Variants in RASEF observed in about 807,000 individuals in gnomAD.
RASEF encodes ras and EF-hand domain-containing protein.
Under a neutral mutation model 90.1 loss-of-function variants are expected in RASEF, and 68 were observed. The observed-to-expected ratio is 0.75, with a 90% CI of 0.62 to 0.92. The LOEUF (loss-of-function observed/expected upper bound fraction) is 0.92. Ranked by LOEUF, RASEF falls within the 40% of genes least tolerant of loss-of-function variation. The pLI is 0.00. For missense variants in RASEF, 949 were observed against 937.2 expected (o/e 1.01, Z -0.16); for synonymous variants, 331 against 345.2 (o/e 0.96, Z 0.46).
At chr9:83,046,355 A>G (rs749761346) in intron 1 of RASEF, among the ~76,000 whole-genome samples, 2 of 152,176 alleles carry the variant, frequency 1.3e-5, no homozygotes, top group Non-Finnish European at 1.5e-5. Context: ...ATAGAAGTAT[A>G]GATATCGAGT....
At chr9:83,056,086 C>T (rs1309172445) in intron 1 of RASEF, among the ~76,000 whole-genome samples, 1 of 152,200 alleles carries the variant, frequency 6.6e-6, no homozygotes, top group African/African-American at 2.4e-5. Flanking sequence ...ATTTGCACTA[C>T]TGGAGCTGTA....
chr9:83,095,420 A>T, the RASEF span, among the ~76,000 whole-genome samples: 1 of 150,368 alleles, frequency 6.7e-6, no homozygotes, highest in African/African-American at 2.5e-5. Context: ...CAGTCTCTTC[A>T]CTTGGGTGAA....
the RASEF span, among the ~76,000 whole-genome samples, chr9:83,147,189 C>T: frequency 9.2e-5 from 14 of 151,956 alleles, no homozygotes; most frequent in Non-Finnish European, 1.3e-4. Context: ...ATCATTTTTA[C>T]AGTAGCAGGA....
chr9:83,032,294 T>A (rs1409846985), intron 1 of RASEF, among the ~76,000 whole-genome samples: 1 of 152,160 alleles, frequency 6.6e-6, no homozygotes, highest in Non-Finnish European at 1.5e-5. Flanking sequence ...AAGTGAGTGC[T>A]GAGAAGGGTG....
At chr9:83,164,048 T>C in the RASEF span, among the ~76,000 whole-genome samples, 11 of 149,716 alleles carry the variant, frequency 7.3e-5, no homozygotes, top group East Asian at 2.1e-3. Flanking sequence ...AAAACTATCC[T>C]TCAAAAATGA....
chr9:83,068,102 T>C (rs1412752302), upstream of RASEF, among the ~76,000 whole-genome samples: 2 of 152,202 alleles, frequency 1.3e-5, no homozygotes, highest in Non-Finnish European at 2.9e-5. Context: ...TCAAACACTT[T>C]GGCTGGAGAT....
chr9:83,088,703 T>C, the RASEF span, among the ~76,000 whole-genome samples: 1 of 152,080 alleles, frequency 6.6e-6, no homozygotes, highest in Non-Finnish European at 1.5e-5. Flanking sequence ...TTAAAGTCTA[T>C]TTTGTGTATA....
chr9:83,133,112 A>T, the RASEF span, among the ~76,000 whole-genome samples: 1 of 152,196 alleles, frequency 6.6e-6, no homozygotes, highest in Admixed American at 6.5e-5. Flanking sequence ...CAAACTGAAA[A>T]GCTCTAAGAA....
chr9:83,097,594 C>A, the RASEF span, among the ~76,000 whole-genome samples: 1 of 152,164 alleles, frequency 6.6e-6, no homozygotes, highest in African/African-American at 2.4e-5. Context: ...GGGCGAAGGA[C>A]ATGAACAGAC....
At chr9:83,158,689 T>TATGTATATATTTATGTACATATAC in the RASEF span, among the ~76,000 whole-genome samples, 19 of 34,182 alleles carry the variant, frequency 5.6e-4, no homozygotes, top group African/African-American at 2.6e-3. Context: ...TACATATACA[T>TATGTATATATTTATGTACATATAC]ATATGTATAT....
At chr9:83,067,062 G>A (rs191065992), upstream of RASEF, among the ~76,000 whole-genome samples, 299 of 152,260 alleles carry the variant, frequency 2.0e-3, 1 homozygote, top group Non-Finnish European at 3.5e-3. Context: ...CTTTTCATTG[G>A]TAAGTAGGGA....
the RASEF span, among the ~76,000 whole-genome samples, chr9:83,185,972 G>A: frequency 2.0e-3 from 5 of 2,468 alleles, no homozygotes; most frequent in African/African-American, 0.018. Context: ...ATGGGTGGCG[G>A]GGGGGGCAAG....
At chr9:83,021,836 G>T (rs1321781555) in intron 3 of RASEF, among the ~76,000 whole-genome samples, 2 of 152,188 alleles carry the variant, frequency 1.3e-5, no homozygotes, top group African/African-American at 4.8e-5. Context: ...GGGAGTCCTG[G>T]AACCAATCCC....
At chr9:83,020,702 G>A (rs1158476974) in intron 3 of RASEF, among the ~76,000 whole-genome samples, 1 of 152,138 alleles carries the variant, frequency 6.6e-6, no homozygotes, top group Admixed American at 6.5e-5. Flanking sequence ...AACAAAACAT[G>A]AAATTCTAAA....
chr9:83,155,692 C>G, the RASEF span, among the ~76,000 whole-genome samples: 4 of 152,298 alleles, frequency 2.6e-5, no homozygotes, highest in Non-Finnish European at 5.9e-5. Flanking sequence ...GTGAAAAATA[C>G]ACAAAGCTTC....
intron 1 of RASEF, among the ~76,000 whole-genome samples, chr9:83,059,271 C>T (rs1175305960): frequency 7.4e-6 from 1 of 135,778 alleles, no homozygotes; most frequent in Non-Finnish European, 1.6e-5. Flanking sequence ...ATGCTCAATA[C>T]ACACACACAC....
chr9:83,218,856 C>T, the RASEF span, among the ~76,000 whole-genome samples: 19 of 152,230 alleles, frequency 1.2e-4, no homozygotes, highest in African/African-American at 4.6e-4. Context: ...ACTATCCCAG[C>T]GTGGACATTT....
chr9:83,122,376 G>A, the RASEF span, among the ~76,000 whole-genome samples: 1 of 152,212 alleles, frequency 6.6e-6, no homozygotes, highest in Admixed American at 6.5e-5. Flanking sequence ...TAACATAATG[G>A]GTGAGGCAGT....
intron 1 of RASEF, among the ~76,000 whole-genome samples, chr9:83,047,887 C>G (rs551069426): frequency 1.3e-5 from 2 of 152,198 alleles, no homozygotes; most frequent in Non-Finnish European, 2.9e-5. Context: ...TTTGAATTAA[C>G]CAGGGCACAT....
Sources: allele counts gnomAD v4.1 joint callset (sites outside exome capture counted in the v4.1 genomes callset), GRCh38; gene constraint gnomAD v4.1.1; transcripts MANE v1.5; gene names NCBI Gene and HGNC (gene_info 2026-07-23, HGNC 2026-07-21).